NEDD4L: variants seen among roughly 807,000 people sequenced by gnomAD.
The protein encoded by NEDD4L is E3 ubiquitin-protein ligase NEDD4-like.
In NEDD4L, 54 loss-of-function variants were observed where a neutral mutation model predicts 148.9. That is an observed-to-expected ratio of 0.36 (90% CI 0.29 to 0.45). The LOEUF (loss-of-function observed/expected upper bound fraction) is 0.45, where lower values mean the gene tolerates loss of function less well. NEDD4L is among the 20% of genes least tolerant of loss of function. The pLI is 1.00. For synonymous variants in NEDD4L, 433 were observed against 440.7 expected (o/e 0.98, Z 0.22); for missense variants, 856 against 1,233.8 (o/e 0.69, Z 4.59).
intron 1 of NEDD4L, among the ~76,000 whole-genome samples, chr18:58,159,955 G>A (rs2035991271): frequency 6.6e-6 from 1 of 152,178 alleles, no homozygotes; most frequent in Non-Finnish European, 1.5e-5. Flanking sequence ...GGGTCACAGT[G>A]GCTCCCTGTG....
At chr18:58,188,179 A>C (rs1186762330) in intron 2 of NEDD4L, among the ~76,000 whole-genome samples, 1 of 152,186 alleles carries the variant, frequency 6.6e-6, no homozygotes, top group Non-Finnish European at 1.5e-5. Flanking sequence ...GCCACCCCAC[A>C]GGACGGTCCT....
intron 5 of NEDD4L, among the ~76,000 whole-genome samples, chr18:58,274,667 G>A (rs1600552419): frequency 6.6e-6 from 1 of 152,226 alleles, no homozygotes; most frequent in Non-Finnish European, 1.5e-5. Context: ...GCCTAGGCCT[G>A]CACCAAGATC....
intron 2 of NEDD4L, among the ~76,000 whole-genome samples, chr18:58,202,298 G>A (rs1350033194): frequency 2.0e-5 from 3 of 152,240 alleles, no homozygotes. Flanking sequence ...CCTGGCAGGT[G>A]ATATTCTTTC....
In NEDD4L at chr18:58,341,667, C is replaced by T. The variant is rs1273253853; in HGVS notation, c.1258-11C>T. ...TCCTATGAAGCTAACTTGTTTTTGC[C>T]TCCAAAATAGCTTGCAGAAGATGGT... On this transcript the variant is annotated splice_polypyrimidine_tract_variant and intron_variant, in intron 14 of 30. Coordinates refer to ENST00000400345, the MANE Select transcript of NEDD4L (RefSeq NM_001144967.3). 6.2e-7 allele frequency: 1 copy of T among 1,610,700 alleles called. No individual in the cohort carries two copies. Among genetic ancestry groups the T allele is most frequent in the Admixed American group, 1.7e-5 (1 of 59,698 alleles).
chr18:58,330,701 T>C (rs201883056), intron 10 of NEDD4L, 37 bp from the exon 11 acceptor site: 1 of 712,480 alleles, frequency 1.4e-6, no homozygotes, highest in Non-Finnish European at 1.8e-6. Context: ...TCCCTACTTC[T>C]TTCTAGTGTT....
intron 2 of NEDD4L, among the ~76,000 whole-genome samples, chr18:58,174,676 C>T (rs113748466): frequency 0.014 from 2,117 of 152,218 alleles, 49 homozygotes; most frequent in African/African-American, 0.048. Flanking sequence ...GGTGAGGCTA[C>T]GTGCGACTGG....
intron 1 of NEDD4L, among the ~76,000 whole-genome samples, chr18:58,135,578 C>A (rs2032748598): frequency 6.6e-6 from 1 of 152,236 alleles, no homozygotes; most frequent in Admixed American, 6.5e-5. Flanking sequence ...GACTGAAGTT[C>A]CGAGTTGTGA....
At position 58,341,240 on chromosome 18, in the gene NEDD4L, C is replaced by T; in HGVS notation, c.1257+71C>T. ...GAAATGTACATGACCGAACTCCTTT[C>T]CTGGTGTTTATGTATTGTTCTGAAA... On this transcript the variant is annotated intron_variant, in intron 14 of 30. Coordinates refer to ENST00000400345, the MANE Select transcript of NEDD4L (RefSeq NM_001144967.3). The T allele has an allele frequency of 3.9e-6, 6 of 1,541,358 alleles. No individual in the cohort carries two copies. In the South Asian group the frequency reaches 6.1e-5, roughly 16 times the overall value.
At chr18:58,139,201 C>G in intron 1 of NEDD4L, among the ~76,000 whole-genome samples, 1 of 152,214 alleles carries the variant, frequency 6.6e-6, no homozygotes, top group African/African-American at 2.4e-5. Flanking sequence ...TAGTCTTTGA[C>G]TGCATGCATA....
At chr18:58,172,836 G>A (rs527654241) in intron 2 of NEDD4L, among the ~76,000 whole-genome samples, 20 of 152,296 alleles carry the variant, frequency 1.3e-4, no homozygotes, top group African/African-American at 4.8e-4. Flanking sequence ...AGATTTATGT[G>A]ACTTCTGATG....
At chr18:58,388,022 T>TG (rs2049280340) in intron 27 of NEDD4L, 1 of 152,596 alleles carries the variant, frequency 6.6e-6, no homozygotes, top group South Asian at 2.1e-4. Context: ...TCATTGAACT[T>TG]GAAGTGGTTT....
chr18:58,074,418 C>T (rs1381202051), intron 1 of NEDD4L, among the ~76,000 whole-genome samples: 1 of 147,732 alleles, frequency 6.8e-6, no homozygotes, highest in African/African-American at 2.6e-5. Flanking sequence ...GCCACCATGC[C>T]TGGCTAATTT....
intron 9 of NEDD4L, among the ~76,000 whole-genome samples, chr18:58,327,545 G>A (rs564261501): frequency 2.4e-4 from 37 of 152,318 alleles, no homozygotes; most frequent in African/African-American, 8.7e-4. Flanking sequence ...CCTGAGGAGC[G>A]CCTCCTTCCA....
intron 2 of NEDD4L, among the ~76,000 whole-genome samples, chr18:58,207,415 C>T (rs2147591288): frequency 6.6e-6 from 1 of 152,040 alleles, no homozygotes; most frequent in South Asian, 2.1e-4. Context: ...CTGTAGTTTC[C>T]TCCCTGAAGA....
At chr18:58,266,723 C>G (rs1029851979) in intron 5 of NEDD4L, among the ~76,000 whole-genome samples, 7 of 152,126 alleles carry the variant, frequency 4.6e-5, no homozygotes, top group African/African-American at 1.7e-4. Flanking sequence ...ATAATATACG[C>G]AGATTGCTGG....
intron 1 of NEDD4L, among the ~76,000 whole-genome samples, chr18:58,114,957 C>T (rs1247911065): frequency 1.3e-5 from 2 of 152,202 alleles, no homozygotes; most frequent in African/African-American, 4.8e-5. Flanking sequence ...TCTGGATAAT[C>T]CAGGATAATC....
chr18:58,373,354 A>G, intron 24 of NEDD4L, 85 bp downstream of exon 24: 1 of 753,616 alleles, frequency 1.3e-6, no homozygotes, highest in South Asian at 1.5e-5. Context: ...ACTTTGCTGG[A>G]CCATCAGAAA....
chr18:58,303,876 G>A (rs1039615532), intron 5 of NEDD4L, among the ~76,000 whole-genome samples: 1 of 152,180 alleles, frequency 6.6e-6, no homozygotes, highest in Non-Finnish European at 1.5e-5. Flanking sequence ...TTCTTTTGAT[G>A]TTTCAAGGAG....
chr18:58,371,130 G>A (rs953571406), intron 23 of NEDD4L, among the ~76,000 whole-genome samples: 4 of 148,062 alleles, frequency 2.7e-5, no homozygotes, highest in South Asian at 2.1e-4. Context: ...TCCGCCTTGC[G>A]GATTCTAGCA....
Sources: allele counts gnomAD v4.1 joint callset (sites outside exome capture counted in the v4.1 genomes callset), GRCh38; gene constraint gnomAD v4.1.1; transcripts MANE v1.5; gene names NCBI Gene and HGNC (gene_info 2026-07-23, HGNC 2026-07-21).